DAB1: variants seen among roughly 807,000 people sequenced by gnomAD.
DAB1 encodes disabled homolog 1.
Under a neutral mutation model 64.6 loss-of-function variants are expected in DAB1, and 15 were observed. The ratio of observed to expected loss-of-function variants is 0.23; its 90% CI spans 0.16 to 0.36. The LOEUF is 0.36. Among genes scored for constraint, DAB1 ranks in the 10% least tolerant of loss-of-function variants. The pLI is 1.00. For synonymous variants in DAB1, 235 were observed against 251.9 expected, an observed-to-expected ratio of 0.93 and a Z score of 0.64; for missense variants, 596 against 706.7, an observed-to-expected ratio of 0.84 and a Z score of 1.78.
At chr1:57,603,385 C>T (rs1010058272) in intron 7 of DAB1, among the ~76,000 whole-genome samples, 8 of 152,124 alleles carry the variant, frequency 5.3e-5, no homozygotes, top group African/African-American at 1.4e-4. Context: ...TCCTATAGCC[C>T]GGAAGAGACA....
At chr1:57,747,480 G>A (rs1386043400) in intron 6 of DAB1, among the ~76,000 whole-genome samples, 2 of 152,104 alleles carry the variant, frequency 1.3e-5, no homozygotes, top group Non-Finnish European at 2.9e-5. Context: ...ACAGTCTTGG[G>A]CTGCAATGAT....
At chr1:57,158,325 T>C (rs977633495) in intron 2 of DAB1, among the ~76,000 whole-genome samples, 1 of 152,168 alleles carries the variant, frequency 6.6e-6, no homozygotes, top group East Asian at 1.9e-4. Flanking sequence ...TTTGTTGTTG[T>C]TGCCTGGGAA....
At chr1:57,265,420 T>C (rs1305068729) in intron 2 of DAB1, among the ~76,000 whole-genome samples, 2 of 152,210 alleles carry the variant, frequency 1.3e-5, no homozygotes, top group Non-Finnish European at 2.9e-5. Context: ...TAAATAGAAC[T>C]CTCTTTCCCC....
At chr1:57,218,565 C>A (rs983707144) in intron 2 of DAB1, among the ~76,000 whole-genome samples, 2 of 139,536 alleles carry the variant, frequency 1.4e-5, no homozygotes, top group African/African-American at 5.7e-5. Flanking sequence ...TAGCCAGGTG[C>A]GGTGATGATG....
chr1:58,012,505 T>C (rs1646682682), intron 5 of DAB1, among the ~76,000 whole-genome samples: 1 of 152,182 alleles, frequency 6.6e-6, no homozygotes, highest in Non-Finnish European at 1.5e-5. Context: ...AAAAAATTAA[T>C]GTTTGTGTTT....
intron 1 of DAB1, among the ~76,000 whole-genome samples, chr1:57,377,835 G>T (rs1183247796): frequency 6.6e-6 from 1 of 152,130 alleles, no homozygotes; most frequent in East Asian, 1.9e-4. Flanking sequence ...TAGTAACCCT[G>T]GGGGAGCTGT....
At chr1:57,402,808 C>G (rs1190041826) in intron 1 of DAB1, among the ~76,000 whole-genome samples, 1 of 152,122 alleles carries the variant, frequency 6.6e-6, no homozygotes, top group Non-Finnish European at 1.5e-5. Context: ...TCCCAATGCT[C>G]TAATAATTGA....
intron 5 of DAB1, among the ~76,000 whole-genome samples, chr1:57,974,953 AG>A (rs1240170736): frequency 1.3e-5 from 2 of 152,178 alleles, no homozygotes; most frequent in South Asian, 4.1e-4. Context: ...ACAAAGGCCT[AG>A]TCCCAGCTTT....
intron 7 of DAB1, among the ~76,000 whole-genome samples, chr1:57,614,864 CTTTCTTT>C (rs1333117635): frequency 1.7e-5 from 2 of 114,932 alleles, no homozygotes; most frequent in African/African-American, 3.2e-5. Context: ...TTCTTTCTTT[CTTTCTTT>C]TTTTTTTTTT....
rs141165355 is a variant in DAB1 at position 58,415,683 on chromosome 1, C to T, written n.258-72280G>A. On this transcript the variant is annotated intron_variant and non_coding_transcript_variant, in intron 3 of 20. Transcript: ENST00000485760. ...CTACCCATTCATTTGTTTGTTCATT[C>T]AACTATTATAGAGTGTCAACCGTGT... Among the ~76,000 whole-genome samples the T allele has an allele frequency of 1.1e-3, 169 of 152,314 alleles. 1 individual carries two copies. The highest frequency in any genetic ancestry group is 3.9e-3 in the African/African-American group (162 of 41,576).
chr1:57,007,056 C>T (rs1646099560), intron 14 of DAB1, among the ~76,000 whole-genome samples: 2 of 151,980 alleles, frequency 1.3e-5, no homozygotes, highest in South Asian at 4.1e-4. Flanking sequence ...CTCTCACTCT[C>T]TTAAGATTCG....
chr1:57,057,408 T>C (rs1649879426), intron 9 of DAB1, among the ~76,000 whole-genome samples: 1 of 152,072 alleles, frequency 6.6e-6, no homozygotes, highest in African/African-American at 2.4e-5. Flanking sequence ...GTTTGAGAAA[T>C]GGACTATGTA....
chr1:58,365,404 T>C (rs955369947), intron 3 of DAB1, among the ~76,000 whole-genome samples: 1 of 152,214 alleles, frequency 6.6e-6, no homozygotes, highest in Non-Finnish European at 1.5e-5. Context: ...CTGTCAGTTT[T>C]AGGCTCCACT....
chr1:57,280,195 G>A (rs935230349), intron 2 of DAB1, among the ~76,000 whole-genome samples: 1 of 152,166 alleles, frequency 6.6e-6, no homozygotes, highest in Non-Finnish European at 1.5e-5. Flanking sequence ...CTATTTTCAA[G>A]CTTAAATGAG....
At chr1:57,784,518 G>A (rs1650253217) in intron 6 of DAB1, among the ~76,000 whole-genome samples, 1 of 152,154 alleles carries the variant, frequency 6.6e-6, no homozygotes, top group South Asian at 2.1e-4. Context: ...ACGTGAATAA[G>A]GAAGTGAAAC....
At chr1:58,373,118 T>C (rs1041608264) in intron 3 of DAB1, among the ~76,000 whole-genome samples, 3 of 152,110 alleles carry the variant, frequency 2.0e-5, no homozygotes, top group Non-Finnish European at 4.4e-5. Context: ...TAATAAAAAT[T>C]AATAAAGTTT....
chr1:57,409,120 T>A (rs1683894436), intron 1 of DAB1, among the ~76,000 whole-genome samples: 1 of 152,174 alleles, frequency 6.6e-6, no homozygotes, highest in Non-Finnish European at 1.5e-5. Flanking sequence ...CCTGGCCTTT[T>A]TCCCCATGTG....
intron 6 of DAB1, among the ~76,000 whole-genome samples, chr1:57,797,016 C>T (rs1650906530): frequency 6.6e-6 from 1 of 152,190 alleles, no homozygotes; most frequent in African/African-American, 2.4e-5. Context: ...ACTGCAGGTT[C>T]CTGTGGTGTA....
rs1263483598 is a variant in DAB1 at position 57,877,628 on chromosome 1, T to C, written n.87+6371A>G. The stretch of plus-strand genomic sequence containing the variant: ...GACTGCGGACTGCAGTGGCGCAATC[T>C]CGGCTCACTGCAAGCTCCGCTTCCC... On this transcript the variant is annotated intron_variant and non_coding_transcript_variant, in intron 1 of 1. Transcript: ENST00000477280. Among the ~76,000 whole-genome samples, 6 of 22,734 alleles carry C rather than the reference T, an allele frequency of 2.6e-4. 2 individuals are homozygous for C. Among genetic ancestry groups the C allele is most frequent in the African/African-American group, 1.5e-3 (6 of 4,122 alleles). 14.9% of individuals were successfully genotyped at this position (22,734 alleles called of 152,430 possible).
Sources: gnomAD v4.1 joint callset for allele counts (sites outside exome capture counted in the v4.1 genomes callset) on GRCh38, gnomAD v4.1.1 for gene constraint, MANE v1.5 for transcripts, NCBI Gene and HGNC (gene_info 2026-07-23, HGNC 2026-07-21) for gene names.